The following MAGI2 variants were observed in gnomAD, a reference collection of about 807,000 sequenced individuals.
The protein encoded by MAGI2 is membrane-associated guanylate kinase, WW and PDZ domain-containing protein 2.
In MAGI2, 35 loss-of-function variants were observed where a neutral mutation model predicts 133.3. That is an observed-to-expected ratio of 0.26 (90% confidence interval 0.20 to 0.35). MAGI2 has a LOEUF of 0.35. MAGI2 is among the 10% of genes least tolerant of loss of function. The pLI, the probability that MAGI2 is intolerant of heterozygous loss-of-function variation, is 1.00. For synonymous variants in MAGI2, 729 were observed against 710.6 expected, an observed-to-expected ratio of 1.03 and a Z score of -0.41; for missense variants, 1,636 against 1,863.4, an observed-to-expected ratio of 0.88 and a Z score of 2.25.
intron 1 of MAGI2, among the ~76,000 whole-genome samples, chr7:79,260,360 G>C (rs1273500168): frequency 7.4e-6 from 1 of 136,048 alleles, no homozygotes; most frequent in Non-Finnish European, 1.5e-5. Flanking sequence ...CCATCTCTAA[G>C]TAAATACATA....
intron 2 of MAGI2, among the ~76,000 whole-genome samples, chr7:78,670,542 G>T (rs779641370): frequency 4.1e-4 from 63 of 152,260 alleles, no homozygotes; most frequent in Non-Finnish European, 8.1e-4. Flanking sequence ...AGCTACCAAT[G>T]ACTTTCTTCA....
At chr7:78,480,483 C>T (rs1792245524) in intron 6 of MAGI2, among the ~76,000 whole-genome samples, 1 of 151,710 alleles carries the variant, frequency 6.6e-6, no homozygotes, top group Non-Finnish European at 1.5e-5. Context: ...CAAAAATCCT[C>T]AATAAAATAT....
intron 20 of MAGI2, among the ~76,000 whole-genome samples, chr7:78,096,155 T>C (rs770881932): frequency 5.3e-5 from 8 of 152,270 alleles, no homozygotes. Flanking sequence ...ATAACTCACA[T>C]TGTGAAGGCA....
chr7:79,003,705 T>A (rs565342832), intron 2 of MAGI2, among the ~76,000 whole-genome samples: 1 of 152,210 alleles, frequency 6.6e-6, no homozygotes, highest in Non-Finnish European at 1.5e-5. Context: ...TTTCTGAACA[T>A]ATTTGAAAAC....
chr7:78,411,033 T>C (rs928216091), intron 6 of MAGI2, among the ~76,000 whole-genome samples: 1 of 151,806 alleles, frequency 6.6e-6, no homozygotes, highest in African/African-American at 2.4e-5. Context: ...CAGAAAAAAA[T>C]AGCCTCAGAG....
chr7:79,302,609 G>A (rs10274797), intron 1 of MAGI2, among the ~76,000 whole-genome samples: 141,599 of 152,052 alleles, frequency 0.93, 66,294 homozygotes, highest in Non-Finnish European at 0.98. Context: ...CTTTCCACAG[G>A]AGATGCAAAA....
At chr7:78,240,040 T>G (rs528049936) in intron 10 of MAGI2, among the ~76,000 whole-genome samples, 1 of 152,250 alleles carries the variant, frequency 6.6e-6, no homozygotes, top group Non-Finnish European at 1.5e-5. Context: ...ACGTGCAGGT[T>G]TGTTACATAG....
intron 2 of MAGI2, among the ~76,000 whole-genome samples, chr7:78,908,853 G>T (rs1798171415): frequency 6.6e-6 from 1 of 151,716 alleles, no homozygotes; most frequent in Non-Finnish European, 1.5e-5. Flanking sequence ...AAAATAGAAA[G>T]AAAAAAATAG....
At chr7:79,257,340 AT>A (rs1297872084) in intron 1 of MAGI2, among the ~76,000 whole-genome samples, 1 of 152,192 alleles carries the variant, frequency 6.6e-6, no homozygotes, top group Non-Finnish European at 1.5e-5. Context: ...TATCTGAGTG[AT>A]ATTACTTTAA....
chr7:78,423,690 G>C (rs994531391), intron 6 of MAGI2, among the ~76,000 whole-genome samples: 3 of 152,160 alleles, frequency 2.0e-5, no homozygotes, highest in Non-Finnish European at 4.4e-5. Flanking sequence ...CTCAGATAGA[G>C]ATGAGGAACT....
chr7:78,756,385 ATAAC>A (rs899462864), intron 2 of MAGI2, among the ~76,000 whole-genome samples: 176 of 152,316 alleles, frequency 1.2e-3, no homozygotes, highest in African/African-American at 4.1e-3. Context: ...CACACTGTAA[ATAAC>A]TGTTTATTCT....
chr7:79,031,773 T>C (rs1810599186), intron 1 of MAGI2, among the ~76,000 whole-genome samples: 2 of 152,180 alleles, frequency 1.3e-5, no homozygotes, highest in South Asian at 2.1e-4. Flanking sequence ...CACATTTGTT[T>C]TGTAAAAAAA....
intron 12 of MAGI2, among the ~76,000 whole-genome samples, chr7:78,190,789 G>C (rs1828129844): frequency 6.6e-6 from 1 of 152,164 alleles, no homozygotes. Context: ...ATACAAACAA[G>C]AACATTCAAG....
At chr7:78,677,944 A>C (rs764442156) in intron 2 of MAGI2, among the ~76,000 whole-genome samples, 45 of 152,090 alleles carry the variant, frequency 3.0e-4, no homozygotes, top group Non-Finnish European at 3.8e-4. Context: ...AAACAGAACC[A>C]AAATCTAAGT....
intron 3 of MAGI2, among the ~76,000 whole-genome samples, chr7:78,588,188 C>T (rs907717878): frequency 5.3e-5 from 8 of 152,146 alleles, no homozygotes; most frequent in African/African-American, 1.4e-4. Flanking sequence ...TCTCTCCACC[C>T]GACACTTTAT....
chr7:78,786,079 C>A (rs1169852495), intron 2 of MAGI2, among the ~76,000 whole-genome samples: 3 of 151,960 alleles, frequency 2.0e-5, no homozygotes, highest in Admixed American at 6.6e-5. Context: ...TATCACCCCC[C>A]ACAACCCCTG....
chr7:78,058,246 T>C (rs1313608924), intron 21 of MAGI2, among the ~76,000 whole-genome samples: 2 of 152,018 alleles, frequency 1.3e-5, no homozygotes, highest in East Asian at 1.9e-4. Context: ...GTAGCCTCTG[T>C]ATCACTGCTC....
intron 2 of MAGI2, among the ~76,000 whole-genome samples, chr7:78,699,177 T>A (rs1249504794): frequency 6.6e-6 from 1 of 152,152 alleles, no homozygotes; most frequent in Non-Finnish European, 1.5e-5. Context: ...TGGCATGATC[T>A]TGGCTCAATG....
intron 21 of MAGI2, among the ~76,000 whole-genome samples, chr7:78,061,918 G>A (rs1407779176): frequency 2.6e-5 from 4 of 152,178 alleles, no homozygotes; most frequent in South Asian, 2.1e-4. Flanking sequence ...AGGGGACTTC[G>A]TCATTGGAGT....
Sources: gnomAD v4.1 joint callset for allele counts (sites outside exome capture counted in the v4.1 genomes callset) on GRCh38, gnomAD v4.1.1 for gene constraint, MANE v1.5 for transcripts, NCBI Gene and HGNC (gene_info 2026-07-23, HGNC 2026-07-21) for gene names.